The following GOLM2 variants were observed in gnomAD, a reference collection of about 807,000 sequenced individuals.
GOLM2 encodes protein GOLM2.
In GOLM2, 26 loss-of-function variants were observed where a neutral mutation model predicts 55.9. The observed-to-expected ratio is 0.47, with a 90% CI of 0.34 to 0.65. The LOEUF is 0.65. Among genes scored for constraint, GOLM2 ranks in the 30% least tolerant of loss-of-function variants. The pLI is 0.01. For missense variants in GOLM2, 486 were observed against 531.8 expected (o/e 0.91, Z 0.85); for synonymous variants, 165 against 194.6 (o/e 0.85, Z 1.27).
At chr15:44,315,802 A>G (rs1179678616) in intron 1 of GOLM2, among the ~76,000 whole-genome samples, 1 of 152,252 alleles carries the variant, frequency 6.6e-6, no homozygotes, top group Non-Finnish European at 1.5e-5. Flanking sequence ...TATTACAAAA[A>G]GAGAGGGATA....
chr15:44,312,788 A>C (rs932729490), intron 1 of GOLM2, among the ~76,000 whole-genome samples: 1 of 151,924 alleles, frequency 6.6e-6, no homozygotes, highest in African/African-American at 2.4e-5. Flanking sequence ...TCTACTAAAA[A>C]ATACAACAAT....
chr15:44,293,933 C>T (rs776895274), intron 1 of GOLM2, among the ~76,000 whole-genome samples: 2 of 152,192 alleles, frequency 1.3e-5, no homozygotes, highest in Non-Finnish European at 2.9e-5. Context: ...TCTTCTCCCT[C>T]ATTTATTAAC....
chr15:44,322,332 A>C (rs1052183447), intron 1 of GOLM2, among the ~76,000 whole-genome samples: 2 of 152,230 alleles, frequency 1.3e-5, no homozygotes, highest in African/African-American at 4.8e-5. Context: ...GCACCACTGC[A>C]CCGCAGCCTG....
intron 9 of GOLM2, among the ~76,000 whole-genome samples, chr15:44,412,282 A>G (rs2079643391): frequency 6.6e-6 from 1 of 152,236 alleles, no homozygotes; most frequent in Admixed American, 6.5e-5. Context: ...AATTGACAAG[A>G]AGGCAAAGTG....
intron 6 of GOLM2, among the ~76,000 whole-genome samples, chr15:44,343,845 A>T (rs996653820): frequency 4.0e-5 from 6 of 151,788 alleles, no homozygotes; most frequent in Admixed American, 3.9e-4. Context: ...AAAAGAAAAA[A>T]ATATATATCC....
intron 1 of GOLM2, among the ~76,000 whole-genome samples, chr15:44,296,963 A>G (rs1247125299): frequency 6.6e-6 from 1 of 152,188 alleles, no homozygotes; most frequent in African/African-American, 2.4e-5. Context: ...TTTTAACTGT[A>G]ATTTCTACCT....
In GOLM2 at chr15:44,392,607, G is replaced by A. The variant is rs561679512; in HGVS notation, c.1073-10280G>A. 1.4e-3 allele frequency among the ~76,000 whole-genome samples: 214 copies of A among 149,314 alleles called. 1 individual carries two copies. Among genetic ancestry groups the A allele is most frequent in the Middle Eastern group, 0.01 (3 of 286 alleles). Reference sequence around the variant, plus strand: ...CACTGCACTCCAGCCTGGTGACAAAGCGAGACTCGGTCTCAAAAAAAAAAA... The same window carrying A: ...CACTGCACTCCAGCCTGGTGACAAAACGAGACTCGGTCTCAAAAAAAAAAA... On this transcript the variant is annotated intron_variant, in intron 8 of 9. Transcript: ENST00000299957.
At chr15:44,349,702 G>T (rs902911422) in intron 6 of GOLM2, among the ~76,000 whole-genome samples, 4 of 152,226 alleles carry the variant, frequency 2.6e-5, no homozygotes, top group Admixed American at 2.0e-4. Flanking sequence ...CTTCTCCTCA[G>T]TACATGCATC....
At chr15:44,384,907 TAAA>T (rs137866986) in intron 8 of GOLM2, among the ~76,000 whole-genome samples, 2 of 140,812 alleles carry the variant, frequency 1.4e-5, no homozygotes, top group Admixed American at 7.1e-5. Flanking sequence ...GACTGCATCT[TAAA>T]AAAAAAAAAA....
rs375629416 is a variant in GOLM2 at position 44,306,609 on chromosome 15, GC to G, written c.328-16355del. 2.5e-4 allele frequency among the ~76,000 whole-genome samples: 38 copies of G among 152,292 alleles called. No individual in the cohort carries two copies. The East Asian group carries it at 7.1e-3, about 29-fold the overall frequency. On this transcript the variant is annotated intron_variant, in intron 1 of 9. Coordinates refer to ENST00000299957, the MANE Select transcript of GOLM2 (RefSeq NM_138423.4). ...TTGGCTGTTTGGCACAAGAGGCCTA[GC>G]TTTTGGCCTGTCTATGTTCTTGACG...
chr15:44,397,973 C>T (rs1055155320), intron 8 of GOLM2, among the ~76,000 whole-genome samples: 2 of 152,198 alleles, frequency 1.3e-5, no homozygotes, highest in African/African-American at 4.8e-5. Context: ...TCTGATTCAT[C>T]AGTTTCTAAC....
chr15:44,291,882 T>A (rs145104588), intron 1 of GOLM2, among the ~76,000 whole-genome samples: 133 of 152,330 alleles, frequency 8.7e-4, no homozygotes, highest in Non-Finnish European at 1.5e-3. Context: ...AATGTTAGTG[T>A]ATCCTCCTCT....
At chr15:44,330,648 T>C (rs1290196614) in intron 3 of GOLM2, among the ~76,000 whole-genome samples, 1 of 152,098 alleles carries the variant, frequency 6.6e-6, no homozygotes, top group Non-Finnish European at 1.5e-5. Context: ...GGAGGATTGC[T>C]TGAGCCCAGG....
chr15:44,374,729 G>A (rs1419579837), intron 6 of GOLM2, among the ~76,000 whole-genome samples: 2 of 152,144 alleles, frequency 1.3e-5, no homozygotes, highest in Non-Finnish European at 2.9e-5. Flanking sequence ...GATCCTGTGA[G>A]AACTCTATCA....
chr15:44,311,381 C>A (rs2078874078), intron 1 of GOLM2, among the ~76,000 whole-genome samples: 2 of 152,062 alleles, frequency 1.3e-5, no homozygotes, highest in Admixed American at 6.5e-5. Flanking sequence ...GCATTCCAGG[C>A]ACCATAACTT....
chr15:44,339,488 G>C (rs975158323), intron 6 of GOLM2, among the ~76,000 whole-genome samples: 3 of 152,096 alleles, frequency 2.0e-5, no homozygotes, highest in Non-Finnish European at 4.4e-5. Flanking sequence ...ACAGGTGTGT[G>C]CCACCAAGCT....
intron 9 of GOLM2, chr15:44,405,306 C>T (rs1242011466): frequency 6.6e-6 from 1 of 152,178 alleles, no homozygotes; most frequent in African/African-American, 2.4e-5. Context: ...TTGGATTTCC[C>T]TATTTGCAAG....
chr15:44,315,418 G>C (rs915084091), intron 1 of GOLM2, among the ~76,000 whole-genome samples: 4 of 152,176 alleles, frequency 2.6e-5, no homozygotes, highest in Non-Finnish European at 2.9e-5. Context: ...GGAAAGAGAA[G>C]CAGAGCAACT....
chr15:44,291,183 T>C (rs2078718679), intron 1 of GOLM2, among the ~76,000 whole-genome samples: 1 of 151,128 alleles, frequency 6.6e-6, no homozygotes, highest in Non-Finnish European at 1.5e-5. Context: ...TACACAGGCA[T>C]GATGCACTAT....
Sources: allele counts gnomAD v4.1 joint callset (sites outside exome capture counted in the v4.1 genomes callset), GRCh38; gene constraint gnomAD v4.1.1; transcripts MANE v1.5; gene names NCBI Gene and HGNC (gene_info 2026-07-23, HGNC 2026-07-21).